SLC2A5: variants seen among roughly 807,000 people sequenced by gnomAD.
SLC2A5 encodes the protein solute carrier family 2 member 5, also known as solute carrier family 2, facilitated glucose transporter member 5.
SLC2A5 carries 56 observed loss-of-function variants against 50.3 expected under a neutral mutation model. That is an observed-to-expected ratio of 1.11 (90% CI 0.90 to 1.39). The LOEUF (loss-of-function observed/expected upper bound fraction) is 1.39. SLC2A5 is among the 40% of genes most tolerant of loss of function. The pLI is 0.00. For synonymous variants in SLC2A5, 269 were observed against 281.9 expected (o/e 0.95, Z 0.46); for missense variants, 566 against 650.1 (o/e 0.87, Z 1.41).
upstream of SLC2A5, among the ~76,000 whole-genome samples, chr1:9,092,963 G>A (rs115000970): frequency 5.0e-3 from 768 of 152,196 alleles, 3 homozygotes; most frequent in Non-Finnish European, 7.8e-3. Context: ...GCGCTCCCAC[G>A]TAAGCCTCTA....
chr1:9,081,862 G>A (rs936225084), intron 2 of SLC2A5, among the ~76,000 whole-genome samples: 32 of 151,992 alleles, frequency 2.1e-4, no homozygotes, highest in Non-Finnish European at 3.4e-4. Flanking sequence ...TGGGTGGATC[G>A]TTTTAGCCCA....
At chr1:9,071,559 G>C (rs1269040887), upstream of SLC2A5, 1 of 152,562 alleles carries the variant, frequency 6.6e-6, no homozygotes, top group Non-Finnish European at 1.5e-5. Context: ...GTCGCTGGGG[G>C]GGACGCGGAC....
chr1:9,039,941 G>C lies in SLC2A5; in HGVS notation c.744C>G (p.Ala248=). Residue 248 remains alanine, a synonymous_variant, in exon 7 of 12, where the codon GCC becomes GCG. Transcript: ENST00000377424. Reference sequence around the variant, plus strand: ...CTGCCTCATCCTCCTGCCGGATCTCGGCCACCTCCCTGTCCACAGAGTCCC... The same window carrying C: ...CTGCCTCATCCTCCTGCCGGATCTCCGCCACCTCCCTGTCCACAGAGTCCC... ...RGWDSVDREV[A]EIRQEDEAEK... is the part of the protein sequence containing the mutation. 6 of 1,612,922 alleles carry C rather than the reference G, an allele frequency of 3.7e-6. No individual in the cohort carries two copies. The highest frequency in any genetic ancestry group is 3.4e-6 in the Non-Finnish European group (4 of 1,179,762).
At chr1:9,059,997 CACACACACACACACACT>C (rs1443066925) in intron 1 of SLC2A5, among the ~76,000 whole-genome samples, 1 of 139,646 alleles carries the variant, frequency 7.2e-6, no homozygotes, top group Non-Finnish European at 1.5e-5. Flanking sequence ...CACACACACA[CACACACACACACACACT>C]ACACACACAC....
upstream of SLC2A5, among the ~76,000 whole-genome samples, chr1:9,091,614 A>C (rs1642463407): frequency 6.6e-6 from 1 of 150,716 alleles, no homozygotes; most frequent in South Asian, 2.1e-4. Context: ...CCCCCTGTTA[A>C]TCCTACCACT....
Position 9,037,970 on chromosome 1 carries a change from G to C in SLC2A5, c.1229C>G (p.Ser410Cys), listed in dbSNP as rs1641178738. Residue 410 changes from serine (S) to cysteine (C), a missense_variant, in exon 11 of 12, where the codon TCT (serine) becomes TGT (cysteine). Transcript: ENST00000377424. ...TEIFLQSSRP[S>C]AFMVGGSVHW... ...CACACTGCCCCCCACCATGAAGGCA[G>C]ATGGCCGAGAGGACTGCAGGAAGAT... The C allele has an allele frequency of 6.2e-7, 1 of 1,613,930 alleles. No individual in the cohort carries two copies. Among genetic ancestry groups the C allele is most frequent in the Admixed American group, 1.7e-5 (1 of 60,006 alleles).
chr1:9,048,741 G>A lies in SLC2A5; in HGVS notation c.294-1007C>T, dbSNP rs190255623. ...AGTGATCGCAGCTCACTGTAACCTC[G>A]GTCTGCCAGGTCAAAGTGATTCTTG... On this transcript the variant is annotated intron_variant, in intron 3 of 11. Transcript: ENST00000377424. 9.1e-4 allele frequency among the ~76,000 whole-genome samples: 138 copies of A among 151,832 alleles called. 1 individual carries two copies. The highest frequency in any genetic ancestry group is 2.9e-3 in the African/African-American group (122 of 41,434).
At chr1:9,080,902 G>A (rs918366336) in intron 2 of SLC2A5, among the ~76,000 whole-genome samples, 3 of 152,118 alleles carry the variant, frequency 2.0e-5, no homozygotes, top group Non-Finnish European at 2.9e-5. Context: ...CTTTAAACTG[G>A]ATTCTGATCC....
chr1:9,039,670 G>T lies in SLC2A5; in HGVS notation c.886-8C>A. ...GTCCGCGTAGTAGTAGATCTGCAAG[G>T]CAAGCGCGGGGCTGGGCGGCTGCCC... On this transcript the variant is annotated splice_region_variant and splice_polypyrimidine_tract_variant and intron_variant, in intron 7 of 11. Transcript: ENST00000377424. 2 of 1,527,632 alleles carry T rather than the reference G, an allele frequency of 1.3e-6. No individual in the cohort carries two copies. Among genetic ancestry groups the T allele is most frequent in the Non-Finnish European group, 1.8e-6 (2 of 1,136,632 alleles). 94.6% of individuals were successfully genotyped at this position (1,527,632 alleles called of 1,614,324 possible).
chr1:9,039,551 C>G lies in SLC2A5; in HGVS notation c.996+1G>C, dbSNP rs750825939. On this transcript the variant is annotated splice_donor_variant, in intron 8 of 11. Transcript: ENST00000377424. LOFTEE classifies it high-confidence loss of function. Reference sequence around the variant, plus strand: ...CTGTGGGCAGCTCCCAGGACACTCACGGCGCAGAAGGTCATGACCACGTTC... The same window carrying G: ...CTGTGGGCAGCTCCCAGGACACTCAGGGCGCAGAAGGTCATGACCACGTTC... 1.3e-6 allele frequency: 2 copies of G among 1,562,012 alleles called. No individual in the cohort carries two copies. The highest frequency in any genetic ancestry group is 4.8e-5 in the East Asian group (2 of 41,388).
At chr1:9,059,753 C>T (rs930878908) in intron 1 of SLC2A5, among the ~76,000 whole-genome samples, 1 of 151,826 alleles carries the variant, frequency 6.6e-6, no homozygotes, top group Non-Finnish European at 1.5e-5. Context: ...AAGCTGGTCT[C>T]AAACTCCTGG....
chr1:9,057,313 AAAG>A (rs1641782907), intron 3 of SLC2A5, 132 bp downstream of exon 3: 1 of 482,898 alleles, frequency 2.1e-6, no homozygotes, highest in South Asian at 7.7e-5. Context: ...AAAAAAAAAA[AAAG>A]AAAGAAAAAA....
intron 3 of SLC2A5, among the ~76,000 whole-genome samples, chr1:9,048,093 A>G (rs1416701046): frequency 1.3e-5 from 2 of 152,212 alleles, no homozygotes; most frequent in Non-Finnish European, 2.9e-5. Context: ...ACATTAGAGG[A>G]AAAGAAAAGT....
chr1:9,046,415 GAAAA>G (rs1388949244), intron 4 of SLC2A5, among the ~76,000 whole-genome samples: 1 of 152,122 alleles, frequency 6.6e-6, no homozygotes, highest in African/African-American at 2.4e-5. Flanking sequence ...GTGGGATTAG[GAAAA>G]AACACCTCCC....
upstream of SLC2A5, chr1:9,071,921 G>A (rs76502195): frequency 1.0e-3 from 160 of 159,088 alleles, 2 homozygotes; most frequent in East Asian, 0.027. Context: ...CCTCAGCCCG[G>A]GTCCCCCTCG....
Position 9,057,476 on chromosome 1 carries a change from C to A in SLC2A5, c.265G>T (p.Val89Phe). 1 of 1,613,774 alleles carries A rather than the reference C, an allele frequency of 6.2e-7. No homozygotes were observed. Among genetic ancestry groups the A allele is most frequent in the Non-Finnish European group, 8.5e-7 (1 of 1,179,926 alleles). The part of the protein sequence containing the change: ...PFGGFIGSLL[V>F]GPLVNKFGRK... ...CCAAATTTATTCACCAAGGGGCCGACCAGGAGGGATCCGATAAACCCTCCA... is the reference window on the plus strand; with the variant it reads ...CCAAATTTATTCACCAAGGGGCCGAACAGGAGGGATCCGATAAACCCTCCA... The change falls in exon 3 of 12, where the codon GTC (valine) becomes TTC (phenylalanine). Residue 89 changes from valine (V) to phenylalanine (F), a missense_variant. Coordinates refer to ENST00000377424, the MANE Select transcript of SLC2A5 (RefSeq NM_003039.3).
intron 2 of SLC2A5, among the ~76,000 whole-genome samples, chr1:9,076,113 G>A (rs913666507): frequency 2.6e-5 from 4 of 151,856 alleles, no homozygotes; most frequent in African/African-American, 7.3e-5. Flanking sequence ...ACGCCACTAC[G>A]CCTGGCTAAT....
At position 9,037,542 on chromosome 1, in the gene SLC2A5, G is replaced by T; in HGVS notation, c.*44C>A. The T allele has an allele frequency of 1.3e-6, 2 of 1,537,312 alleles. No homozygotes were observed. Among genetic ancestry groups the T allele is most frequent in the South Asian group, 1.1e-5 (1 of 88,972 alleles). Reference sequence around the variant, plus strand: ...AGAAGTCAGAAAAATAAGCCAAAGTGGGAAGCCCCTGGCAGACCAGCTCCA... The same window carrying T: ...AGAAGTCAGAAAAATAAGCCAAAGTTGGAAGCCCCTGGCAGACCAGCTCCA... On this transcript the variant is annotated 3_prime_UTR_variant, in exon 12 of 12. Transcript: ENST00000377424.
chr1:9,061,476 C>T (rs1641943275), intron 1 of SLC2A5, among the ~76,000 whole-genome samples: 1 of 140,018 alleles, frequency 7.1e-6, no homozygotes, highest in African/African-American at 2.7e-5. Context: ...TGTGGTGGCA[C>T]ACGCCTGTGG....
Sources: allele counts gnomAD v4.1 joint callset (sites outside exome capture counted in the v4.1 genomes callset), GRCh38; gene constraint gnomAD v4.1.1; transcripts MANE v1.5; gene names NCBI Gene and HGNC (gene_info 2026-07-23, HGNC 2026-07-21).